RBFOX1: variants seen among roughly 807,000 people sequenced by gnomAD.
RBFOX1 encodes the protein RNA binding fox-1 homolog 1.
In RBFOX1, 8 loss-of-function variants were observed where a neutral mutation model predicts 57.7. That is an observed-to-expected ratio of 0.14 (90% confidence interval 0.08 to 0.25). RBFOX1 has a LOEUF of 0.25. RBFOX1 is among the 10% of genes least tolerant of loss of function. The probability of loss-of-function intolerance (pLI) is 1.00; values close to 1 mark genes in which losing one functional copy is unlikely to be tolerated. For missense variants in RBFOX1, 611 were observed against 548.5 expected (o/e 1.11, Z -1.14); for synonymous variants, 326 against 222.4 (o/e 1.47, Z -4.15).
At chr16:6,953,022 C>G (rs562354009) in intron 3 of RBFOX1, among the ~76,000 whole-genome samples, 1 of 152,036 alleles carries the variant, frequency 6.6e-6, no homozygotes, top group South Asian at 2.1e-4. Context: ...TTTACCTCAC[C>G]TGGCAATGTA....
chr16:7,256,992 G>A (rs958511046), intron 4 of RBFOX1, among the ~76,000 whole-genome samples: 1 of 152,058 alleles, frequency 6.6e-6, no homozygotes, highest in Non-Finnish European at 1.5e-5. Flanking sequence ...TCTGTTACTC[G>A]TTCTGATCCT....
chr16:7,265,119 C>G (rs993254754), intron 4 of RBFOX1, among the ~76,000 whole-genome samples: 2 of 152,236 alleles, frequency 1.3e-5, no homozygotes, highest in Non-Finnish European at 2.9e-5. Context: ...CTAATAAAGA[C>G]TAGACTCTGT....
At chr16:7,583,890 C>T (rs955728068) in intron 6 of RBFOX1, among the ~76,000 whole-genome samples, 1 of 144,420 alleles carries the variant, frequency 6.9e-6, no homozygotes, top group African/African-American at 2.4e-5. Context: ...TCCACTAAAC[C>T]TCTCTTTATT....
At chr16:7,189,586 C>CACACACAT (rs1291219168) in intron 4 of RBFOX1, among the ~76,000 whole-genome samples, 1 of 145,920 alleles carries the variant, frequency 6.9e-6, no homozygotes, top group African/African-American at 2.7e-5. Flanking sequence ...CACACACACA[C>CACACACAT]ATACACACAC....
intron 3 of RBFOX1, among the ~76,000 whole-genome samples, chr16:6,857,785 TG>T (rs1156595323): frequency 6.6e-6 from 1 of 152,184 alleles, no homozygotes; most frequent in East Asian, 1.9e-4. Flanking sequence ...AGCACTTTCT[TG>T]CCCCAGCTTT....
At chr16:6,081,715 G>A (rs895290985) in intron 1 of RBFOX1, among the ~76,000 whole-genome samples, 52 of 152,168 alleles carry the variant, frequency 3.4e-4, no homozygotes, top group African/African-American at 1.2e-3. Context: ...GCTAAATGGG[G>A]AAGAAGGTAT....
At chr16:7,481,180 C>G (rs780411569) in intron 4 of RBFOX1, among the ~76,000 whole-genome samples, 6 of 152,256 alleles carry the variant, frequency 3.9e-5, no homozygotes, top group Middle Eastern at 6.8e-3. Flanking sequence ...GGATTAGAAA[C>G]TGAGTAACAT....
rs1555636558 is a variant in RBFOX1, at chr16:6,637,430, T to TA, written c.-63-17173_-63-17172insA. ...ATATATTATATAATATATAAATATA[T>TA]TATATAAATATATGTAAATGTATAT... On this transcript the variant is annotated intron_variant, in intron 2 of 15. Coordinates refer to ENST00000550418, the MANE Select transcript of RBFOX1 (RefSeq NM_018723.4). Among the ~76,000 whole-genome samples the TA allele has an allele frequency of 3.8e-4, 9 of 23,518 alleles. 3 individuals carry two copies. The highest frequency in any genetic ancestry group is 1.1e-3 in the African/African-American group (9 of 7,912). 15.4% of individuals were successfully genotyped at this position (23,518 alleles called of 152,430 possible). A position where few individuals can be genotyped will look rare whatever the true frequency, so the allele number is the denominator to read the frequency against.
At chr16:7,261,249 C>T (rs976868508) in intron 4 of RBFOX1, among the ~76,000 whole-genome samples, 6 of 152,122 alleles carry the variant, frequency 3.9e-5, no homozygotes, top group African/African-American at 1.4e-4. Context: ...TAGAATAGTT[C>T]TGAGCATTAA....
chr16:6,410,168 C>CTGTGTGTGTGTGTGTG (rs3066618), intron 2 of RBFOX1, among the ~76,000 whole-genome samples: 12 of 146,940 alleles, frequency 8.2e-5, no homozygotes, highest in African/African-American at 2.8e-4. Flanking sequence ...CATCATAAGG[C>CTGTGTGTGTGTGTGTG]TGTGTGTGTG....
At chr16:6,768,288 T>C (rs1016940497) in intron 3 of RBFOX1, among the ~76,000 whole-genome samples, 8 of 152,126 alleles carry the variant, frequency 5.3e-5, no homozygotes, top group African/African-American at 1.9e-4. Context: ...TTTTAAACAA[T>C]AAATGTTTGT....
intron 3 of RBFOX1, among the ~76,000 whole-genome samples, chr16:5,773,828 G>C (rs568303207): frequency 6.6e-6 from 1 of 152,198 alleles, no homozygotes; most frequent in South Asian, 2.1e-4. Flanking sequence ...CTCCTGAGTA[G>C]CTGGGACTAC....
At position 5,947,611 on chromosome 16, in the gene RBFOX1, C is replaced by T. The variant is rs1177459482; in HGVS notation, c.351+80276C>T. ...GTGCTGGGATTACATGCATGATCCA[C>T]CATGTCTTGACCCTTCGATTTTAGG... On this transcript the variant is annotated intron_variant, in intron 4 of 19. Coordinates refer to the RBFOX1 transcript ENST00000641259. This position sits in a 1 kb window ranked among gnomAD's most constrained non-coding sequence, Gnocchi z 7.2. Among the ~76,000 whole-genome samples the T allele has an allele frequency of 6.6e-6, 1 of 152,184 alleles. No individual in the cohort carries two copies. The highest frequency in any genetic ancestry group is 6.5e-5 in the Admixed American group (1 of 15,288).
intron 4 of RBFOX1, among the ~76,000 whole-genome samples, chr16:7,100,227 G>C (rs1048044730): frequency 1.3e-5 from 2 of 152,028 alleles, no homozygotes; most frequent in African/African-American, 2.4e-5. Context: ...ATTCAGTGCT[G>C]ATATCAGTGT....
intron 3 of RBFOX1, among the ~76,000 whole-genome samples, chr16:5,839,436 T>C (rs941274149): frequency 2.6e-5 from 4 of 152,202 alleles, no homozygotes; most frequent in African/African-American, 9.6e-5. Flanking sequence ...AGTGTCCTAT[T>C]GGCATTATCT....
intron 4 of RBFOX1, among the ~76,000 whole-genome samples, chr16:7,213,100 G>C (rs895814538): frequency 2.0e-5 from 3 of 152,166 alleles, no homozygotes; most frequent in Non-Finnish European, 4.4e-5. Context: ...ACTGCTAATA[G>C]GGGTTGAGAA....
At chr16:7,473,703 A>C (rs2062028459) in intron 4 of RBFOX1, among the ~76,000 whole-genome samples, 1 of 152,028 alleles carries the variant, frequency 6.6e-6, no homozygotes, top group East Asian at 1.9e-4. Context: ...TGGTGGAATC[A>C]AAGAGTAGTT....
chr16:6,239,006 C>T (rs1175174485), intron 1 of RBFOX1, among the ~76,000 whole-genome samples: 2 of 151,986 alleles, frequency 1.3e-5, no homozygotes, highest in Non-Finnish European at 2.9e-5. Flanking sequence ...TTCTTTCTTA[C>T]TATTTTTTTT....
In RBFOX1 at chr16:6,079,854, C is replaced by G. The variant is rs1319378899; in HGVS notation, c.-127+59862C>G. Among the ~76,000 whole-genome samples, 4 of 152,094 alleles carry G rather than the reference C, an allele frequency of 2.6e-5. No individual in the cohort carries two copies. In the East Asian group the frequency reaches 7.8e-4, roughly 29 times the overall value. On this transcript the variant is annotated intron_variant, in intron 1 of 15. Transcript: ENST00000550418. ...CTGTCTCAAGCAAAAAAGAAAAAGC[C>G]TTTTTCTTGTAATTTTTAAATAATT...
Sources: gnomAD v4.1 joint callset for allele counts (sites outside exome capture counted in the v4.1 genomes callset) on GRCh38, gnomAD v4.1.1 for gene constraint, Gnocchi (gnomAD v3.1) non-coding constraint, MANE v1.5 for transcripts, NCBI Gene and HGNC (gene_info 2026-07-23, HGNC 2026-07-21) for gene names.